EPHA5: variants seen among roughly 807,000 people sequenced by gnomAD.
EPHA5 encodes ephrin type-A receptor 5.
A neutral mutation model predicts 105.0 loss-of-function variants in EPHA5; 60 were observed. That is an observed-to-expected ratio of 0.57 (90% CI 0.46 to 0.71). The LOEUF (loss-of-function observed/expected upper bound fraction) is 0.71, where lower values mean the gene tolerates loss of function less well. Ranked by LOEUF, EPHA5 falls within the 30% of genes least tolerant of loss-of-function variation. The pLI, the probability that EPHA5 is intolerant of heterozygous loss-of-function variation, is 0.00. For missense variants in EPHA5, 1,218 were observed against 1,274.7 expected (o/e 0.96, Z 0.68); for synonymous variants, 513 against 449.1 (o/e 1.14, Z -1.80).
At chr4:65,589,028 G>A (rs894876576) in intron 3 of EPHA5, among the ~76,000 whole-genome samples, 4 of 152,238 alleles carry the variant, frequency 2.6e-5, no homozygotes, top group African/African-American at 9.6e-5. Context: ...CAAGTGCTAA[G>A]CTTTATGAGC....
At chr4:65,396,339 A>G (rs1721235483) in intron 8 of EPHA5, among the ~76,000 whole-genome samples, 1 of 152,200 alleles carries the variant, frequency 6.6e-6, no homozygotes, top group Non-Finnish European at 1.5e-5. Flanking sequence ...AGATGACCTG[A>G]CAGTTATATA....
In EPHA5 at chr4:65,398,153, T is replaced by C. The variant is rs556386931; in HGVS notation, c.1793+6221A>G. ...GGGCCTGAGAAGCCCCCTGCCCCTGTAGGCTCAGAAGGGCCTGTTACCACT... is the reference window on the plus strand; with the variant it reads ...GGGCCTGAGAAGCCCCCTGCCCCTGCAGGCTCAGAAGGGCCTGTTACCACT... On this transcript the variant is annotated intron_variant, in intron 8 of 16. Transcript: ENST00000613740. Among the ~76,000 whole-genome samples the C allele has an allele frequency of 3.1e-4, 47 of 152,296 alleles. 1 individual carries two copies. In the South Asian group the frequency reaches 8.9e-3, roughly 29 times the overall value.
intron 3 of EPHA5, among the ~76,000 whole-genome samples, chr4:65,510,001 A>G (rs1314230087): frequency 6.8e-6 from 1 of 147,882 alleles, no homozygotes; most frequent in Non-Finnish European, 1.5e-5. Flanking sequence ...TTTCAAGTCT[A>G]TTCTATGCAA....
chr4:65,346,383 C>A (rs1343335492), intron 14 of EPHA5, among the ~76,000 whole-genome samples: 1 of 151,908 alleles, frequency 6.6e-6, no homozygotes, highest in Non-Finnish European at 1.5e-5. Flanking sequence ...AAACTCTTTT[C>A]TTAAATGGCT....
chr4:65,485,848 A>G (rs1423312902), intron 5 of EPHA5, among the ~76,000 whole-genome samples: 4 of 152,210 alleles, frequency 2.6e-5, no homozygotes, highest in Non-Finnish European at 2.9e-5. Flanking sequence ...CCTCAGAACC[A>G]CAAACTTTCT....
intron 3 of EPHA5, among the ~76,000 whole-genome samples, chr4:65,562,289 G>C (rs527617287): frequency 6.6e-6 from 1 of 152,088 alleles, no homozygotes; most frequent in South Asian, 2.1e-4. Context: ...AAATTTTATT[G>C]ACACTAAGTA....
intron 5 of EPHA5, among the ~76,000 whole-genome samples, chr4:65,431,437 A>G (rs906692060): frequency 1.3e-5 from 2 of 152,188 alleles, no homozygotes; most frequent in African/African-American, 2.4e-5. Context: ...GTAACAAAGC[A>G]GAGATCTGAA....
chr4:65,643,813 G>A (rs1317455093), intron 1 of EPHA5, among the ~76,000 whole-genome samples: 1 of 151,916 alleles, frequency 6.6e-6, no homozygotes, highest in Non-Finnish European at 1.5e-5. Flanking sequence ...CATAAAATTG[G>A]AGCTAAATGT....
intron 11 of EPHA5, among the ~76,000 whole-genome samples, chr4:65,355,075 A>G (rs1723173166): frequency 6.6e-6 from 1 of 151,718 alleles, no homozygotes; most frequent in African/African-American, 2.4e-5. Context: ...GATGTAATTT[A>G]ATCTGCACCT....
chr4:65,635,234 G>A (rs1346217096), intron 2 of EPHA5, among the ~76,000 whole-genome samples: 1 of 151,954 alleles, frequency 6.6e-6, no homozygotes, highest in Non-Finnish European at 1.5e-5. Context: ...TACAATGTAG[G>A]GTTACTTTTT....
intron 11 of EPHA5, among the ~76,000 whole-genome samples, chr4:65,356,040 A>G (rs28446874): frequency 0.015 from 2,290 of 151,596 alleles, 60 homozygotes; most frequent in African/African-American, 0.052. Flanking sequence ...AATTCCAGCA[A>G]ACATCTAGAG....
chr4:65,358,641 C>A (rs1198257825), intron 11 of EPHA5, among the ~76,000 whole-genome samples: 1 of 151,448 alleles, frequency 6.6e-6, no homozygotes, highest in Non-Finnish European at 1.5e-5. Flanking sequence ...AAGATAAAAA[C>A]AAACTATGAG....
intron 11 of EPHA5, among the ~76,000 whole-genome samples, chr4:65,360,926 T>C (rs942739943): frequency 3.3e-5 from 5 of 151,566 alleles, no homozygotes; most frequent in East Asian, 1.9e-4. Context: ...AGAAGGGTGA[T>C]AAAACATGTG....
chr4:65,626,939 T>C (rs1196346486), intron 2 of EPHA5, among the ~76,000 whole-genome samples: 2 of 152,216 alleles, frequency 1.3e-5, no homozygotes, highest in African/African-American at 4.8e-5. Flanking sequence ...AAATCCTCTC[T>C]AGCCACAGCT....
At chr4:65,625,331 T>C (rs1325034922) in intron 2 of EPHA5, among the ~76,000 whole-genome samples, 2 of 152,162 alleles carry the variant, frequency 1.3e-5, no homozygotes, top group East Asian at 1.9e-4. Context: ...AAAAATGAAA[T>C]AATTACTTGT....
intron 3 of EPHA5, among the ~76,000 whole-genome samples, chr4:65,544,417 G>A (rs935938958): frequency 4.0e-5 from 6 of 151,690 alleles, no homozygotes; most frequent in African/African-American, 4.8e-5. Flanking sequence ...GTGGGCATAC[G>A]ATATGAACAG....
intron 3 of EPHA5, among the ~76,000 whole-genome samples, chr4:65,540,368 A>G (rs915056057): frequency 6.6e-6 from 1 of 151,458 alleles, no homozygotes; most frequent in African/African-American, 2.4e-5. Context: ...TGTCACTGGC[A>G]ACACTATAGT....
intron 2 of EPHA5, among the ~76,000 whole-genome samples, chr4:65,631,211 T>G (rs1051669005): frequency 6.6e-6 from 1 of 152,206 alleles, no homozygotes; most frequent in Non-Finnish European, 1.5e-5. Context: ...CACTGTGCAT[T>G]TTCCCTTCTT....
intron 3 of EPHA5, among the ~76,000 whole-genome samples, chr4:65,516,126 G>T (rs2149269234): frequency 6.6e-6 from 1 of 152,214 alleles, no homozygotes. Flanking sequence ...CAATGTGGGG[G>T]TTGAGGCATC....
Sources: gnomAD v4.1 joint callset for allele counts (sites outside exome capture counted in the v4.1 genomes callset) on GRCh38, gnomAD v4.1.1 for gene constraint, MANE v1.5 for transcripts, NCBI Gene and HGNC (gene_info 2026-07-23, HGNC 2026-07-21) for gene names.